Variants in SHC3 observed in about 807,000 individuals in gnomAD.
The protein encoded by SHC3 is SHC-transforming protein 3.
A neutral mutation model predicts 60.4 loss-of-function variants in SHC3; 15 were observed. The observed-to-expected ratio is 0.25, with a 90% CI of 0.17 to 0.38. The LOEUF (loss-of-function observed/expected upper bound fraction) is 0.38. Among genes scored for constraint, SHC3 ranks in the 10% least tolerant of loss-of-function variants. SHC3 has a pLI of 1.00. For missense variants in SHC3, 677 were observed against 786.1 expected (o/e 0.86, Z 1.66); for synonymous variants, 294 against 325.9 (o/e 0.90, Z 1.05).
chr9:89,034,670 A>T (rs1824542475), intron 11 of SHC3, among the ~76,000 whole-genome samples: 1 of 152,220 alleles, frequency 6.6e-6, no homozygotes, highest in Non-Finnish European at 1.5e-5. Flanking sequence ...TCAAAATAAC[A>T]TGCCACTTAC....
chr9:89,086,274 CA>C (rs564582864), intron 2 of SHC3, among the ~76,000 whole-genome samples: 246 of 152,318 alleles, frequency 1.6e-3, no homozygotes, highest in Non-Finnish European at 2.7e-3. Context: ...CTCAGTCCCA[CA>C]GGGGTAAAAT....
chr9:89,035,325 A>C (rs576638713), intron 11 of SHC3, among the ~76,000 whole-genome samples: 4 of 152,314 alleles, frequency 2.6e-5, no homozygotes, highest in South Asian at 2.1e-4. Flanking sequence ...AAATCCCAGC[A>C]TGTATTGTTG....
chr9:89,174,492 T>C (rs1346115086), intron 1 of SHC3, among the ~76,000 whole-genome samples: 1 of 152,258 alleles, frequency 6.6e-6, no homozygotes, highest in Non-Finnish European at 1.5e-5. Context: ...CAGGTGTTTA[T>C]GAATGGCGTA....
chr9:89,162,994 T>A (rs2118247115), intron 1 of SHC3, among the ~76,000 whole-genome samples: 1 of 138,378 alleles, frequency 7.2e-6, no homozygotes, highest in African/African-American at 2.7e-5. Flanking sequence ...CATGAAAAAA[T>A]GCTCATCATC....
At chr9:89,023,797 G>A (rs374446653) in intron 11 of SHC3, among the ~76,000 whole-genome samples, 1 of 152,148 alleles carries the variant, frequency 6.6e-6, no homozygotes, top group African/African-American at 2.4e-5. Flanking sequence ...CTGCTAATGT[G>A]CTCTGTTTGC....
rs118094019 is a variant in SHC3, at chr9:89,120,575, G to A, written c.475-7949C>T. Among the ~76,000 whole-genome samples, 23 of 152,226 alleles carry A rather than the reference G, an allele frequency of 1.5e-4. 1 individual carries two copies. In the East Asian group the frequency reaches 4.2e-3, roughly 28 times the overall value. On this transcript the variant is annotated intron_variant, in intron 1 of 11. Coordinates refer to ENST00000375835, the MANE Select transcript of SHC3 (RefSeq NM_016848.6). ...AAATGTGCCTTCTCACATATTCTTCGAGCAAATGTACTTTGATGAAGCCTT... is the reference window on the plus strand; with the variant it reads ...AAATGTGCCTTCTCACATATTCTTCAAGCAAATGTACTTTGATGAAGCCTT...
At chr9:89,063,274 T>C (rs1825122093) in intron 6 of SHC3, among the ~76,000 whole-genome samples, 2 of 152,112 alleles carry the variant, frequency 1.3e-5, no homozygotes, top group Admixed American at 6.5e-5. Flanking sequence ...GGACTATAGG[T>C]GTGCACCACC....
Position 89,065,544 on chromosome 9 carries a change from G to A in SHC3, c.820C>T (p.Pro274Ser). ...CACCGCTTACCTCTGCGATTAACAG[G>A]GTCCTTAGCCACATATGCAACATAG... Reference protein sequence around the residue: ...TDYVAYVAKDPVNRRACHILE... With the variant: ...TDYVAYVAKDSVNRRACHILE... Residue 274 changes from proline to serine, a missense_variant, in exon 6 of 12, where the codon CCT becomes TCT. Coordinates refer to ENST00000375835, the MANE Select transcript of SHC3 (RefSeq NM_016848.6). 1 of 1,614,004 alleles carries A rather than the reference G, an allele frequency of 6.2e-7. No individual in the cohort carries two copies. The highest frequency in any genetic ancestry group is 1.1e-5 in the South Asian group (1 of 91,068).
intron 11 of SHC3, among the ~76,000 whole-genome samples, chr9:89,029,974 G>T (rs1032226681): frequency 1.4e-4 from 21 of 152,080 alleles, no homozygotes; most frequent in African/African-American, 3.9e-4. Flanking sequence ...AAAAGGCAGA[G>T]ATTTTCAGAG....
rs144470326 is a variant in SHC3, at chr9:89,090,051, T to C, written c.546-12148A>G. ...ACGGAGCCCTGAGCGCCAGCATGGATAAATCACGGTCAGCGAGGCCCTGCA... is the reference window on the plus strand; with the variant it reads ...ACGGAGCCCTGAGCGCCAGCATGGACAAATCACGGTCAGCGAGGCCCTGCA... On this transcript the variant is annotated intron_variant, in intron 2 of 11. Transcript: ENST00000375835. Among the ~76,000 whole-genome samples the C allele has an allele frequency of 7.7e-3, 1,174 of 152,338 alleles. 9 individuals carry two copies. Among genetic ancestry groups the C allele is most frequent in the Middle Eastern group, 0.01 (3 of 294 alleles).
At chr9:89,115,571 C>T (rs1287078420) in intron 1 of SHC3, among the ~76,000 whole-genome samples, 1 of 152,050 alleles carries the variant, frequency 6.6e-6, no homozygotes, top group African/African-American at 2.4e-5. Flanking sequence ...TGCATACCAC[C>T]AGCAGCACCA....
intron 2 of SHC3, among the ~76,000 whole-genome samples, chr9:89,095,451 G>T (rs945624695): frequency 6.6e-6 from 1 of 152,142 alleles, no homozygotes; most frequent in African/African-American, 2.4e-5. Flanking sequence ...GGATCGGGAC[G>T]GGGAGGGGGA....
intron 11 of SHC3, among the ~76,000 whole-genome samples, chr9:89,026,555 A>T (rs1266556014): frequency 6.6e-6 from 1 of 152,216 alleles, no homozygotes; most frequent in Non-Finnish European, 1.5e-5. Flanking sequence ...CTTATGTATA[A>T]AATCAAGCTG....
At chr9:89,136,278 G>C (rs1826318443) in intron 1 of SHC3, among the ~76,000 whole-genome samples, 1 of 152,164 alleles carries the variant, frequency 6.6e-6, no homozygotes, top group South Asian at 2.1e-4. Flanking sequence ...ATAGGGGCTG[G>C]AAAAAATGAG....
chr9:89,132,610 T>A (rs1826263494), intron 1 of SHC3, among the ~76,000 whole-genome samples: 1 of 152,022 alleles, frequency 6.6e-6, no homozygotes, highest in African/African-American at 2.4e-5. Context: ...ATACCACACA[T>A]CTACAACCAT....
intron 11 of SHC3, among the ~76,000 whole-genome samples, chr9:89,028,544 TATCTAGATATATATCTA>T (rs896765432): frequency 1.2e-4 from 18 of 146,428 alleles, no homozygotes; most frequent in African/African-American, 4.2e-4. Flanking sequence ...ATATAGATTA[TATCTAGATATATATCTA>T]ATCTAGATAT....
intron 11 of SHC3, among the ~76,000 whole-genome samples, chr9:89,026,470 T>C (rs768161051): frequency 6.6e-6 from 1 of 152,090 alleles, no homozygotes; most frequent in Non-Finnish European, 1.5e-5. Flanking sequence ...ACCTACAACC[T>C]AGAAGCCCCC....
chr9:89,036,539 T>G (rs1824581652), intron 11 of SHC3, among the ~76,000 whole-genome samples: 1 of 151,902 alleles, frequency 6.6e-6, no homozygotes, highest in Non-Finnish European at 1.5e-5. Context: ...TGCGTGAGAG[T>G]TTGTAGCAGC....
At chr9:89,076,457 G>A (rs1418749633) in intron 3 of SHC3, among the ~76,000 whole-genome samples, 2 of 152,196 alleles carry the variant, frequency 1.3e-5, no homozygotes, top group African/African-American at 2.4e-5. Flanking sequence ...TTTGAAGGAC[G>A]CTTTCTCCAC....
Sources: allele counts gnomAD v4.1 joint callset (sites outside exome capture counted in the v4.1 genomes callset), GRCh38; gene constraint gnomAD v4.1.1; transcripts MANE v1.5; gene names NCBI Gene and HGNC (gene_info 2026-07-23, HGNC 2026-07-21).